The following ACER3 variants were observed in gnomAD, a reference collection of about 807,000 sequenced individuals.
ACER3 encodes the protein alkaline ceramidase 3.
A neutral mutation model predicts 48.9 loss-of-function variants in ACER3; 16 were observed. The observed-to-expected ratio is 0.33, with a 90% CI of 0.22 to 0.50. ACER3 has a LOEUF of 0.50. ACER3 is among the 20% of genes least tolerant of loss of function. The pLI, the probability that ACER3 is intolerant of heterozygous loss-of-function variation, is 0.98. For synonymous variants in ACER3, 109 were observed against 107.8 expected (o/e 1.01, Z -0.07); for missense variants, 227 against 326.0 (o/e 0.70, Z 2.34).
At chr11:76,865,301 C>T (rs1945050664) in intron 1 of ACER3, among the ~76,000 whole-genome samples, 1 of 151,594 alleles carries the variant, frequency 6.6e-6, no homozygotes, top group Admixed American at 6.6e-5. Context: ...AGTACTATCC[C>T]TTCATGAATT....
At chr11:76,892,282 C>A (rs1462795096) in intron 1 of ACER3, among the ~76,000 whole-genome samples, 1 of 152,120 alleles carries the variant, frequency 6.6e-6, no homozygotes, top group Non-Finnish European at 1.5e-5. Context: ...TCTTGGTTCC[C>A]TTCTGCTTTA....
intron 1 of ACER3, among the ~76,000 whole-genome samples, chr11:76,880,420 TA>T (rs1443461149): frequency 6.6e-6 from 1 of 152,234 alleles, no homozygotes; most frequent in Non-Finnish European, 1.5e-5. Context: ...CAGTGGACAC[TA>T]GCTGGGTATC....
chr11:76,983,019 C>T (rs1329291793), intron 4 of ACER3, among the ~76,000 whole-genome samples: 1 of 152,086 alleles, frequency 6.6e-6, no homozygotes, highest in Non-Finnish European at 1.5e-5. Flanking sequence ...TAGAATAAGT[C>T]CTTCACTTTT....
rs543075259 is a variant in ACER3, at chr11:76,923,635, T to C, written c.104-2922T>C. Among the ~76,000 whole-genome samples, 3 of 152,366 alleles carry C rather than the reference T, an allele frequency of 2.0e-5. No individual in the cohort carries two copies. In the South Asian group the frequency reaches 6.2e-4, roughly 32 times the overall value. On this transcript the variant is annotated intron_variant, in intron 1 of 10. Coordinates refer to ENST00000532485, the MANE Select transcript of ACER3 (RefSeq NM_018367.7). Reference sequence around the variant, plus strand: ...ATTTTGTTCTGGATTTCAGTGAAGCTACTTGGAAACAGTTTGATCCTTTTG... The same window carrying C: ...ATTTTGTTCTGGATTTCAGTGAAGCCACTTGGAAACAGTTTGATCCTTTTG...
chr11:76,929,413 A>G (rs1329935682), intron 2 of ACER3, among the ~76,000 whole-genome samples: 1 of 152,180 alleles, frequency 6.6e-6, no homozygotes, highest in Admixed American at 6.5e-5. Context: ...GCAAACAGGG[A>G]CAATTTGACT....
chr11:76,970,297 T>A (rs1262008395), intron 3 of ACER3, among the ~76,000 whole-genome samples: 1 of 152,210 alleles, frequency 6.6e-6, no homozygotes, highest in Non-Finnish European at 1.5e-5. Flanking sequence ...TTGGTTTACA[T>A]ATGCCATCTA....
At chr11:76,869,652 C>T (rs1945190078) in intron 1 of ACER3, among the ~76,000 whole-genome samples, 1 of 133,148 alleles carries the variant, frequency 7.5e-6, no homozygotes, top group African/African-American at 2.9e-5. Context: ...TTTTCTCCTC[C>T]TTCTAGTCAC....
chr11:76,928,013 C>G (rs1330245105), intron 2 of ACER3, among the ~76,000 whole-genome samples: 1 of 152,060 alleles, frequency 6.6e-6, no homozygotes, highest in African/African-American at 2.4e-5. Flanking sequence ...ATTTCTAGTT[C>G]TAGATCCTCA....
chr11:76,979,622 C>T (rs1327055100), intron 4 of ACER3, among the ~76,000 whole-genome samples: 1 of 151,700 alleles, frequency 6.6e-6, no homozygotes, highest in African/African-American at 2.4e-5. Context: ...CACTACACTC[C>T]AGCCTGGGTG....
intron 1 of ACER3, among the ~76,000 whole-genome samples, chr11:76,881,954 A>G (rs967030915): frequency 2.0e-5 from 3 of 150,522 alleles, no homozygotes; most frequent in Admixed American, 1.3e-4. Context: ...GATATATTGC[A>G]TAGTTTATAG....
At chr11:76,963,887 G>A (rs1291138575) in intron 3 of ACER3, among the ~76,000 whole-genome samples, 2 of 151,484 alleles carry the variant, frequency 1.3e-5, no homozygotes, top group Non-Finnish European at 2.9e-5. Context: ...CTCGGCGTTA[G>A]CGACACAGAA....
intron 1 of ACER3, among the ~76,000 whole-genome samples, chr11:76,885,907 G>T (rs1044987512): frequency 6.6e-6 from 1 of 152,158 alleles, no homozygotes; most frequent in African/African-American, 2.4e-5. Flanking sequence ...AGAAAACGTG[G>T]TTATCATAGC....
At chr11:76,881,851 T>C (rs910071958) in intron 1 of ACER3, among the ~76,000 whole-genome samples, 20 of 152,168 alleles carry the variant, frequency 1.3e-4, no homozygotes, top group Non-Finnish European at 1.2e-4. Flanking sequence ...TAAATTTCTA[T>C]ATTTCATTAC....
intron 1 of ACER3, among the ~76,000 whole-genome samples, chr11:76,918,973 G>A (rs1464554104): frequency 1.1e-5 from 1 of 93,766 alleles, no homozygotes; most frequent in Non-Finnish European, 3.2e-5. Context: ...AAAATATTTG[G>A]CAAAATGAAC....
At chr11:76,972,991 C>T (rs75246872) in intron 3 of ACER3, among the ~76,000 whole-genome samples, 3,797 of 152,362 alleles carry the variant, frequency 0.025, 143 homozygotes, top group African/African-American at 0.083. Context: ...CTGTGGACTT[C>T]TGGGCTTCCA....
intron 6 of ACER3, among the ~76,000 whole-genome samples, chr11:76,997,362 C>A (rs1321247342): frequency 1.3e-5 from 2 of 152,038 alleles, no homozygotes. Context: ...ATTATAATTG[C>A]CTGGTTATTT....
At chr11:76,913,435 C>A (rs900423714) in intron 1 of ACER3, among the ~76,000 whole-genome samples, 4 of 152,168 alleles carry the variant, frequency 2.6e-5, no homozygotes, top group Non-Finnish European at 1.5e-5. Flanking sequence ...AGAGGACATC[C>A]TTGTCTTGTG....
chr11:76,869,640 C>T (rs1945189671), intron 1 of ACER3, among the ~76,000 whole-genome samples: 2 of 149,924 alleles, frequency 1.3e-5, no homozygotes, highest in African/African-American at 2.5e-5. Context: ...AACAACTCCC[C>T]GTTTTCTCCT....
chr11:77,001,832 G>A (rs967311421), intron 7 of ACER3, among the ~76,000 whole-genome samples: 1 of 152,092 alleles, frequency 6.6e-6, no homozygotes, highest in East Asian at 1.9e-4. Context: ...GTTTGATAGG[G>A]CTGCCACATA....
Sources: gnomAD v4.1 joint callset for allele counts (sites outside exome capture counted in the v4.1 genomes callset) on GRCh38, gnomAD v4.1.1 for gene constraint, MANE v1.5 for transcripts, NCBI Gene and HGNC (gene_info 2026-07-23, HGNC 2026-07-21) for gene names.